Variants in CREB5 observed in about 807,000 individuals in gnomAD.
The protein encoded by CREB5 is cyclic AMP-responsive element-binding protein 5.
In CREB5, 19 loss-of-function variants were observed where a neutral mutation model predicts 57.1. The ratio of observed to expected loss-of-function variants is 0.33; its 90% CI spans 0.23 to 0.49. CREB5 has a LOEUF of 0.49. CREB5 is among the 20% of genes least tolerant of loss of function. CREB5 has a pLI of 0.99. For missense variants in CREB5, 579 were observed against 671.6 expected, an observed-to-expected ratio of 0.86 and a Z score of 1.52; for synonymous variants, 238 against 238.3, an observed-to-expected ratio of 1.00 and a Z score of 0.01.
rs34533813 is a variant in CREB5 at position 28,543,578 on chromosome 7, TAAA to T, written c.292-26766_292-26764del. 2.6e-3 allele frequency among the ~76,000 whole-genome samples: 243 copies of T among 92,294 alleles called. 1 individual carries two copies. In the South Asian group the frequency reaches 0.032, roughly 12 times the overall value. The allele number at this position is 92,294 out of a possible 152,430, so 60.5% of individuals were successfully genotyped here. A position where few individuals can be genotyped will look rare whatever the true frequency, so the allele number is the denominator to read the frequency against. ...TCTGTCTTTCAAATATCATTTTAGG[TAAA>T]AAAAAAAAAAAAAAAAAAAAGTGTG... On this transcript the variant is annotated intron_variant, in intron 4 of 10. Coordinates refer to ENST00000357727, the MANE Select transcript of CREB5 (RefSeq NM_182898.4).
chr7:28,524,797 G>A (rs1793372130), intron 4 of CREB5, among the ~76,000 whole-genome samples: 1 of 152,088 alleles, frequency 6.6e-6, no homozygotes, highest in Admixed American at 6.6e-5. Flanking sequence ...GGGTTATTTA[G>A]GCTATTACCT....
At chr7:28,631,437 C>A (rs1328803269) in intron 5 of CREB5, among the ~76,000 whole-genome samples, 1 of 152,206 alleles carries the variant, frequency 6.6e-6, no homozygotes, top group Admixed American at 6.5e-5. Context: ...GACCACCTCC[C>A]AGGGTTATGG....
chr7:28,429,816 T>C (rs572118080), intron 1 of CREB5, among the ~76,000 whole-genome samples: 1 of 152,294 alleles, frequency 6.6e-6, no homozygotes, highest in South Asian at 2.1e-4. Flanking sequence ...CCTATTACTT[T>C]CTAGTTGTGA....
chr7:28,611,646 A>G (rs1272960475), intron 5 of CREB5, among the ~76,000 whole-genome samples: 2 of 150,746 alleles, frequency 1.3e-5, no homozygotes, highest in African/African-American at 4.9e-5. Context: ...ACTGCACTCT[A>G]GCCTGTGCGA....
At chr7:28,804,611 T>C in intron 8 of CREB5, 89 bp downstream of exon 8, 3 of 1,490,428 alleles carry the variant, frequency 2.0e-6, no homozygotes, top group Non-Finnish European at 2.8e-6. Flanking sequence ...AGCAATCTTG[T>C]TTGACAAGCC....
chr7:28,686,204 T>A, intron 5 of CREB5: 1 of 1,605,948 alleles, frequency 6.2e-7, no homozygotes, highest in Non-Finnish European at 8.5e-7. Flanking sequence ...TGAGGTTTGT[T>A]TTTAATTTTA....
At chr7:28,764,934 C>T (rs758873779) in intron 7 of CREB5, among the ~76,000 whole-genome samples, 3 of 152,046 alleles carry the variant, frequency 2.0e-5, no homozygotes, top group East Asian at 1.9e-4. Flanking sequence ...ACAGTTTTGC[C>T]GCCTTTCATA....
chr7:28,474,174 C>G (rs1336277180), intron 1 of CREB5, among the ~76,000 whole-genome samples: 1 of 152,068 alleles, frequency 6.6e-6, no homozygotes, highest in Non-Finnish European at 1.5e-5. Flanking sequence ...TTGGAACTTT[C>G]TTTGAGTATT....
chr7:28,429,002 C>G (rs56010289), intron 1 of CREB5, among the ~76,000 whole-genome samples: 9,403 of 152,100 alleles, frequency 0.062, 362 homozygotes, highest in South Asian at 0.081. Flanking sequence ...TTTTATATTC[C>G]TTGTGTGATG....
At chr7:28,637,259 T>A (rs1344321575) in intron 5 of CREB5, among the ~76,000 whole-genome samples, 1 of 152,170 alleles carries the variant, frequency 6.6e-6, no homozygotes, top group Non-Finnish European at 1.5e-5. Context: ...ATGTCTAGCT[T>A]CAGTAGTGAA....
Position 28,390,786 on chromosome 7 carries a change from T to C in CREB5, c.-25+91345T>C, listed in dbSNP as rs6975883. Among the ~76,000 whole-genome samples, 1,121 of 152,274 alleles carry C rather than the reference T, an allele frequency of 7.4e-3. 8 individuals are homozygous for C. Among genetic ancestry groups the C allele is most frequent in the Non-Finnish European group, 7.2e-3 (493 of 68,028 alleles). On this transcript the variant is annotated intron_variant, in intron 1 of 9. Coordinates refer to the CREB5 transcript ENST00000396299. The stretch of plus-strand genomic sequence containing the variant: ...GCCCTGTAAGCCCTCTAGCATTTTC[T>C]TGATGCTCTGAAGGAAAAAAAATTT...
intron 4 of CREB5, among the ~76,000 whole-genome samples, chr7:28,552,394 T>G (rs1794709754): frequency 6.6e-6 from 1 of 152,158 alleles, no homozygotes; most frequent in Non-Finnish European, 1.5e-5. Context: ...CTTTTGTTAT[T>G]ATCGAGGCCA....
At chr7:28,488,867 G>A (rs1791682087) in intron 2 of CREB5, among the ~76,000 whole-genome samples, 1 of 152,052 alleles carries the variant, frequency 6.6e-6, no homozygotes, top group South Asian at 2.1e-4. Context: ...TTTAACATAG[G>A]GTCTGCACAC....
At chr7:28,608,556 G>C (rs1404711588) in intron 5 of CREB5, among the ~76,000 whole-genome samples, 1 of 151,968 alleles carries the variant, frequency 6.6e-6, no homozygotes, top group East Asian at 1.9e-4. Flanking sequence ...TGCCTCCCTG[G>C]CTCCCACCCT....
chr7:28,590,672 T>TATTATAATAATAATA (rs923629477), intron 5 of CREB5, among the ~76,000 whole-genome samples: 1 of 142,964 alleles, frequency 7.0e-6, no homozygotes, highest in African/African-American at 2.5e-5. Flanking sequence ...GAACTTAAAG[T>TATTATAATAATAATA]ATAATAATAA....
chr7:28,656,570 G>T (rs1004385018), intron 5 of CREB5, among the ~76,000 whole-genome samples: 3 of 152,154 alleles, frequency 2.0e-5, no homozygotes, highest in African/African-American at 7.2e-5. Context: ...GTATAAAATA[G>T]AGAATAGCAA....
intron 5 of CREB5, among the ~76,000 whole-genome samples, chr7:28,681,460 C>T (rs984425428): frequency 6.6e-6 from 1 of 152,088 alleles, no homozygotes; most frequent in African/African-American, 2.4e-5. Flanking sequence ...GTCTTGAACT[C>T]CTGGGCTCAA....
chr7:28,766,113 T>A (rs1030782828), intron 7 of CREB5, among the ~76,000 whole-genome samples: 5 of 152,142 alleles, frequency 3.3e-5, no homozygotes, highest in African/African-American at 1.2e-4. Context: ...AATATTTGTA[T>A]GTTCCTTAGC....
intron 5 of CREB5, among the ~76,000 whole-genome samples, chr7:28,679,838 T>A (rs945617220): frequency 6.6e-6 from 1 of 152,140 alleles, no homozygotes; most frequent in Non-Finnish European, 1.5e-5. Flanking sequence ...CAACTTTTAG[T>A]TCAGCTCTCA....
Sources: allele counts gnomAD v4.1 joint callset (sites outside exome capture counted in the v4.1 genomes callset), GRCh38; gene constraint gnomAD v4.1.1; transcripts MANE v1.5; gene names NCBI Gene and HGNC (gene_info 2026-07-23, HGNC 2026-07-21).